Variants in TATDN3 observed in about 807,000 individuals in gnomAD.
TATDN3 encodes TatD DNase domain containing 3.
A neutral mutation model predicts 40.1 loss-of-function variants in TATDN3; 29 were observed. That is an observed-to-expected ratio of 0.72 (90% CI 0.54 to 0.99). TATDN3 has a LOEUF of 0.99. TATDN3 is among the 50% of genes least tolerant of loss of function. The pLI is 0.00. For synonymous variants in TATDN3, 105 were observed against 117.0 expected, an observed-to-expected ratio of 0.90 and a Z score of 0.66; for missense variants, 309 against 321.9, an observed-to-expected ratio of 0.96 and a Z score of 0.31.
intron 3 of TATDN3, chr1:212,796,865 T>G: frequency 2.1e-6 from 1 of 471,964 alleles, no homozygotes; most frequent in Middle Eastern, 5.5e-4. Context: ...GCCTCCCAAG[T>G]AGCTGGGTCT....
chr1:212,804,179 G>A, intron 5 of TATDN3, 141 bp from the exon 6 acceptor site: 1 of 542,384 alleles, frequency 1.8e-6, no homozygotes. Context: ...TATTTTTAAT[G>A]TGGCTACTAG....
In TATDN3 at chr1:212,793,103, A is replaced by C. The variant is rs540683963; in HGVS notation, c.66+1116A>C. 2.6e-5 allele frequency: 4 copies of C among 152,364 alleles called. No homozygotes were observed. In the East Asian group the frequency reaches 7.7e-4, roughly 29 times the overall value. The allele number at this position is 152,364 out of a possible 1,614,324, so 9.4% of individuals were successfully genotyped here. ...GATGAGCTAGAAAGAGAAAGGCATG[A>C]AACAAAACTGGGGAGGTTTGCAGGG... On this transcript the variant is annotated intron_variant, in intron 1 of 9. Coordinates refer to ENST00000366974, the MANE Select transcript of TATDN3 (RefSeq NM_001042552.3).
At chr1:212,812,819 A>G (rs912147919) in intron 9 of TATDN3, among the ~76,000 whole-genome samples, 1 of 152,208 alleles carries the variant, frequency 6.6e-6, no homozygotes, top group Non-Finnish European at 1.5e-5. Flanking sequence ...CTTGACTAAC[A>G]TGGAGAAACC....
chr1:212,797,269 C>A, intron 4 of TATDN3, 73 bp downstream of exon 4: 1 of 1,084,398 alleles, frequency 9.2e-7, no homozygotes. Flanking sequence ...TAATCCTCCT[C>A]TTTCTAATTT....
chr1:212,811,433 T>A (rs1035972265), intron 8 of TATDN3, among the ~76,000 whole-genome samples: 1 of 151,824 alleles, frequency 6.6e-6, no homozygotes, highest in Non-Finnish European at 1.5e-5. Context: ...CGGCTTAATT[T>A]TTGTATTCTC....
In TATDN3 at chr1:212,816,345, A is replaced by T. The variant is rs1197110234; in HGVS notation, c.*1189A>T. 1 of 152,206 alleles carries T rather than the reference A, an allele frequency of 6.6e-6. No homozygotes were observed. The highest frequency in any genetic ancestry group is 2.4e-5 in the African/African-American group (1 of 41,442). 9.4% of individuals were successfully genotyped at this position (152,206 alleles called of 1,614,324 possible). Reference sequence around the variant, plus strand: ...GTAAATAAATAAAAATCTCAAAAAAATTAAAAATCTCAAGTGTAAAAACAG... The same window carrying T: ...GTAAATAAATAAAAATCTCAAAAAATTTAAAAATCTCAAGTGTAAAAACAG... On this transcript the variant is annotated 3_prime_UTR_variant, in exon 10 of 10. Coordinates refer to ENST00000366974, the MANE Select transcript of TATDN3 (RefSeq NM_001042552.3).
chr1:212,814,430 G>GT (rs1663076946), intron 9 of TATDN3, among the ~76,000 whole-genome samples: 1 of 151,914 alleles, frequency 6.6e-6, no homozygotes, highest in Admixed American at 6.6e-5. Context: ...AGGCACCATT[G>GT]TTTACCATTG....
chr1:212,813,212 T>C (rs7515115), intron 9 of TATDN3, among the ~76,000 whole-genome samples: 27,631 of 152,132 alleles, frequency 0.18, 2,812 homozygotes, highest in African/African-American at 0.28. Context: ...TTAGTATCTC[T>C]TTTTGTTATT....
At chr1:212,806,031 A>G (rs1274651517) in intron 7 of TATDN3, among the ~76,000 whole-genome samples, 1 of 152,206 alleles carries the variant, frequency 6.6e-6, no homozygotes, top group Non-Finnish European at 1.5e-5. Context: ...AGTCATTCAT[A>G]CCATTTGAAA....
intron 8 of TATDN3, among the ~76,000 whole-genome samples, chr1:212,809,270 T>A (rs1369083754): frequency 6.6e-6 from 1 of 152,210 alleles, no homozygotes; most frequent in Non-Finnish European, 1.5e-5. Flanking sequence ...TTTGGAGTGA[T>A]GAAAATATTC....
intron 8 of TATDN3, among the ~76,000 whole-genome samples, chr1:212,809,812 T>C (rs1662755504): frequency 6.6e-6 from 1 of 152,006 alleles, no homozygotes; most frequent in Non-Finnish European, 1.5e-5. Context: ...TCACCTGAGG[T>C]TAGGAGTTCA....
At chr1:212,797,263 C>G (rs909053381) in intron 4 of TATDN3, 67 bp downstream of exon 4, 2 of 1,127,702 alleles carry the variant, frequency 1.8e-6, no homozygotes. Flanking sequence ...ACTCAGTAAT[C>G]CTCCTCTTTC....
intron 4 of TATDN3, among the ~76,000 whole-genome samples, chr1:212,799,650 GC>G (rs1662047900): frequency 6.6e-6 from 1 of 151,730 alleles, no homozygotes; most frequent in South Asian, 2.1e-4. Context: ...TGATTCTCGT[GC>G]CTCAGCCTCC....
chr1:212,803,198 C>T (rs1478114115), intron 5 of TATDN3, among the ~76,000 whole-genome samples: 1 of 148,700 alleles, frequency 6.7e-6, no homozygotes, highest in Non-Finnish European at 1.5e-5. Flanking sequence ...TGCTCTGTCA[C>T]CTAGGCTGGA....
intron 9 of TATDN3, among the ~76,000 whole-genome samples, chr1:212,814,097 G>C (rs892277541): frequency 2.0e-5 from 3 of 151,850 alleles, no homozygotes; most frequent in Non-Finnish European, 4.4e-5. Context: ...TAAGATTACA[G>C]GTGTAAGCCA....
chr1:212,808,324 A>AC (rs1211347309), intron 8 of TATDN3, among the ~76,000 whole-genome samples: 13 of 151,490 alleles, frequency 8.6e-5, no homozygotes, highest in South Asian at 2.1e-4. Context: ...AAAAAAAAAA[A>AC]AAAACTAAAA....
At chr1:212,792,319 A>G (rs1277552291) in intron 1 of TATDN3, among the ~76,000 whole-genome samples, 1 of 151,992 alleles carries the variant, frequency 6.6e-6, no homozygotes, top group Non-Finnish European at 1.5e-5. Context: ...CTTTGTGGGA[A>G]GCGGTCCTCG....
rs1558083475 is a variant in TATDN3 at position 212,806,747 on chromosome 1, C to CCATATATATAT, written c.488-989_488-988insCATATATATAT. On this transcript the variant is annotated intron_variant, in intron 7 of 9. Coordinates refer to ENST00000366974, the MANE Select transcript of TATDN3 (RefSeq NM_001042552.3). ...TTTATTCTCTCTCTCTCTCTCTCTC[C>CCATATATATAT]ATATATATATATATATATATATATA... is the stretch of plus-strand genomic sequence containing the variant. Among the ~76,000 whole-genome samples, 29 of 43,974 alleles carry CCATATATATAT rather than the reference C, an allele frequency of 6.6e-4. 6 individuals are homozygous for CCATATATATAT. The highest frequency in any genetic ancestry group is 2.1e-3 in the East Asian group (3 of 1,446). 28.8% of individuals were successfully genotyped at this position (43,974 alleles called of 152,430 possible).
At chr1:212,814,904 A>G in intron 9 of TATDN3, 109 bp from the exon 10 acceptor site, 1 of 1,260,572 alleles carries the variant, frequency 7.9e-7, no homozygotes, top group Non-Finnish European at 1.1e-6. Context: ...AAAATTAAAA[A>G]GGAGCCCATC....
Sources: gnomAD v4.1 joint callset for allele counts (sites outside exome capture counted in the v4.1 genomes callset) on GRCh38, gnomAD v4.1.1 for gene constraint, MANE v1.5 for transcripts, NCBI Gene and HGNC (gene_info 2026-07-23, HGNC 2026-07-21) for gene names.